CCNY: variants seen among roughly 807,000 people sequenced by gnomAD.
The protein encoded by CCNY is cyclin Y.
A neutral mutation model predicts 42.8 loss-of-function variants in CCNY; 19 were observed. The ratio of observed to expected loss-of-function variants is 0.44; its 90% CI spans 0.31 to 0.65. The LOEUF (loss-of-function observed/expected upper bound fraction) is 0.65, where lower values mean the gene tolerates loss of function less well. Ranked by LOEUF, CCNY falls within the 30% of genes least tolerant of loss-of-function variation. The pLI is 0.07. For synonymous variants in CCNY, 165 were observed against 162.7 expected (o/e 1.01, Z -0.11); for missense variants, 370 against 437.3 (o/e 0.85, Z 1.37).
chr10:35,470,155 A>G (rs1839361383), intron 1 of CCNY, among the ~76,000 whole-genome samples: 1 of 151,020 alleles, frequency 6.6e-6, no homozygotes, highest in Admixed American at 6.6e-5. Context: ...CAGTGGAGAG[A>G]CAGACAGGGA....
At chr10:35,489,832 A>G in intron 2 of CCNY, among the ~76,000 whole-genome samples, 1 of 152,216 alleles carries the variant, frequency 6.6e-6, no homozygotes, top group Non-Finnish European at 1.5e-5. Context: ...CCTCATTTTT[A>G]CAGTTTCTGG....
intron 7 of CCNY, among the ~76,000 whole-genome samples, chr10:35,550,879 C>G (rs1208187142): frequency 6.6e-6 from 1 of 152,146 alleles, no homozygotes; most frequent in Admixed American, 6.5e-5. Context: ...TAAGCCTCCC[C>G]CAGGTCCCTT....
At chr10:35,423,383 G>C (rs369683497) in intron 1 of CCNY, among the ~76,000 whole-genome samples, 2 of 151,698 alleles carry the variant, frequency 1.3e-5, no homozygotes, top group African/African-American at 2.4e-5. Flanking sequence ...GCTGAGGTCC[G>C]CGGATTACCT....
intron 4 of CCNY, among the ~76,000 whole-genome samples, chr10:35,518,488 T>G (rs12780358): frequency 2.6e-3 from 313 of 122,192 alleles, no homozygotes; most frequent in East Asian, 4.4e-3. Flanking sequence ...CATACTGTGG[T>G]TATTTGGATG....
At chr10:35,346,290 G>A (rs1246168917) in intron 1 of CCNY, among the ~76,000 whole-genome samples, 1 of 152,148 alleles carries the variant, frequency 6.6e-6, no homozygotes, top group Non-Finnish European at 1.5e-5. Context: ...CTTTCTTGCT[G>A]TTGGCTCTGT....
At chr10:35,473,319 T>G (rs1839428587) in intron 1 of CCNY, among the ~76,000 whole-genome samples, 1 of 152,248 alleles carries the variant, frequency 6.6e-6, no homozygotes, top group Admixed American at 6.5e-5. Context: ...GGAAATGCTC[T>G]GGTGGGGCTT....
chr10:35,542,437 C>T (rs1336890852), intron 7 of CCNY, among the ~76,000 whole-genome samples: 4 of 152,104 alleles, frequency 2.6e-5, no homozygotes, highest in Admixed American at 6.5e-5. Flanking sequence ...GCTTTGTAGT[C>T]ACTCTTTTTC....
At chr10:35,529,899 A>G (rs892227764) in intron 5 of CCNY, 74 bp from the exon 6 acceptor site, 4 of 1,397,262 alleles carry the variant, frequency 2.9e-6, no homozygotes, top group Non-Finnish European at 4.0e-6. Flanking sequence ...CATTGAATTA[A>G]AATGTATTTT....
At chr10:35,494,274 T>C (rs1839964432) in intron 2 of CCNY, among the ~76,000 whole-genome samples, 1 of 151,106 alleles carries the variant, frequency 6.6e-6, no homozygotes, top group Non-Finnish European at 1.5e-5. Flanking sequence ...AGATTTTTTT[T>C]TTTTAAAGAA....
intron 1 of CCNY, chr10:35,347,514 C>A: frequency 2.8e-6 from 2 of 726,328 alleles, no homozygotes; most frequent in Non-Finnish European, 3.4e-6. Flanking sequence ...GTGCTTACAA[C>A]ATTTTATAAG....
intron 3 of CCNY, among the ~76,000 whole-genome samples, chr10:35,256,754 A>AC (rs2095715795): frequency 4.7e-4 from 49 of 104,100 alleles, no homozygotes; most frequent in Non-Finnish European, 7.8e-4. Flanking sequence ...TAAAAAAAAA[A>AC]AAAAAAAATT....
Position 35,266,249 on chromosome 10 carries a change from C to CTT in CCNY, c.-9+15644_-9+15645dup, listed in dbSNP as rs773886027. 6.9e-3 allele frequency among the ~76,000 whole-genome samples: 759 copies of CTT among 110,178 alleles called. 8 individuals carry two copies. Among genetic ancestry groups the CTT allele is most frequent in the South Asian group, 0.011 (35 of 3,052 alleles). The allele number at this position is 110,178 out of a possible 152,430, so 72.3% of individuals were successfully genotyped here. A position where few individuals can be genotyped will look rare whatever the true frequency, so the allele number is the denominator to read the frequency against. ...TGCGCTACCATGCCCGGCTAATTTC[C>CTT]TTTTTTTTTTTTTTTTTTTTTTGTA... On this transcript the variant is annotated intron_variant, in intron 3 of 11. Transcript: ENST00000374706.
intron 3 of CCNY, among the ~76,000 whole-genome samples, chr10:35,302,969 G>A (rs1369011128): frequency 2.0e-5 from 3 of 152,172 alleles, no homozygotes; most frequent in African/African-American, 7.2e-5. Flanking sequence ...GCCGAGGCAG[G>A]AAGATTGCTT....
chr10:35,514,075 CAAA>C (rs11451104), intron 3 of CCNY, among the ~76,000 whole-genome samples: 789 of 76,154 alleles, frequency 0.01, 2 homozygotes, highest in African/African-American at 0.037. Flanking sequence ...AGGACCAGTT[CAAA>C]AAAAAAAAAA....
In CCNY at chr10:35,530,840, G is replaced by A. The variant is rs1840749840; in HGVS notation, c.579+597G>A. ...TAATTTCAGCACTTTGGGAGGTCAA[G>A]GTGGGAGGATCACTTGAGCCCAGGA... On this transcript the variant is annotated intron_variant, in intron 7 of 9. Transcript: ENST00000374704. This position sits in a 1 kb window ranked among gnomAD's most constrained non-coding sequence, Gnocchi z 4.3. 6.6e-6 allele frequency among the ~76,000 whole-genome samples: 1 copy of A among 152,180 alleles called. No homozygotes were observed. Among genetic ancestry groups the A allele is most frequent in the Non-Finnish European group, 1.5e-5 (1 of 68,030 alleles).
chr10:35,479,729 G>A (rs1296525648), intron 1 of CCNY, among the ~76,000 whole-genome samples: 1 of 151,292 alleles, frequency 6.6e-6, no homozygotes, highest in Admixed American at 6.6e-5. Flanking sequence ...TGCACAATGT[G>A]CACATGTACC....
At position 35,342,127 on chromosome 10, in the gene CCNY, C is replaced by T. The variant is rs148620126; in HGVS notation, c.154+4920C>T. Among the ~76,000 whole-genome samples the T allele has an allele frequency of 3.4e-3, 518 of 152,190 alleles. 4 individuals are homozygous for T. The highest frequency in any genetic ancestry group is 0.012 in the African/African-American group (481 of 41,526). On this transcript the variant is annotated intron_variant, in intron 1 of 9. Coordinates refer to ENST00000374704, the MANE Select transcript of CCNY (RefSeq NM_145012.6). ...AGCCTCAGGGACTCATCCCAAGCAG[C>T]GGAGGGATAACTGGCAAAACTGCTT...
At chr10:35,389,863 T>G (rs1837376948) in intron 1 of CCNY, among the ~76,000 whole-genome samples, 1 of 152,230 alleles carries the variant, frequency 6.6e-6, no homozygotes. Context: ...TAAGAATGTG[T>G]TATTGTTGCC....
chr10:35,527,353 A>G (rs1368160429), intron 5 of CCNY, among the ~76,000 whole-genome samples: 1 of 152,204 alleles, frequency 6.6e-6, no homozygotes, highest in Non-Finnish European at 1.5e-5. Flanking sequence ...TTTCAAGACA[A>G]TTTTGCATTA....
Sources: gnomAD v4.1 joint callset for allele counts (sites outside exome capture counted in the v4.1 genomes callset) on GRCh38, gnomAD v4.1.1 for gene constraint, Gnocchi (gnomAD v3.1) non-coding constraint, MANE v1.5 for transcripts, NCBI Gene and HGNC (gene_info 2026-07-23, HGNC 2026-07-21) for gene names.